FNDC3B: variants seen among roughly 807,000 people sequenced by gnomAD.
The protein encoded by FNDC3B is fibronectin type III domain-containing protein 3B.
A neutral mutation model predicts 151.5 loss-of-function variants in FNDC3B; 12 were observed. The ratio of observed to expected loss-of-function variants is 0.08; its 90% CI spans 0.05 to 0.13. The LOEUF (loss-of-function observed/expected upper bound fraction) is 0.13. Among genes scored for constraint, FNDC3B ranks in the 10% least tolerant of loss-of-function variants. The pLI is 1.00. For synonymous variants in FNDC3B, 528 were observed against 549.0 expected, an observed-to-expected ratio of 0.96 and a Z score of 0.54; for missense variants, 1,214 against 1,505.3, an observed-to-expected ratio of 0.81 and a Z score of 3.20.
intron 6 of FNDC3B, among the ~76,000 whole-genome samples, chr3:172,258,750 A>G (rs1489056307): frequency 6.6e-6 from 1 of 152,206 alleles, no homozygotes; most frequent in African/African-American, 2.4e-5. Context: ...GTTGGGAGTC[A>G]AGACAGATTT....
chr3:172,051,066 T>C (rs1260078342), intron 1 of FNDC3B, among the ~76,000 whole-genome samples: 1 of 151,838 alleles, frequency 6.6e-6, no homozygotes, highest in East Asian at 1.9e-4. Context: ...TTTAGATAAC[T>C]TATCATTTTC....
At position 172,400,412 on chromosome 3, in the gene FNDC3B, T is replaced by C. The variant is rs1736512837; in HGVS notation, c.*2937T>C. ...ATGTCAAAATTGAGAAGTGCCCTAA[T>C]TGAATGTGTTTGAATGTTATCCTTG... On this transcript the variant is annotated 3_prime_UTR_variant, in exon 26 of 26. Coordinates refer to ENST00000415807, the MANE Select transcript of FNDC3B (RefSeq NM_022763.4). 6.5e-6 allele frequency: 1 copy of C among 152,682 alleles called. No individual in the cohort carries two copies. The highest frequency in any genetic ancestry group is 1.5e-5 in the Non-Finnish European group (1 of 68,040). The allele number at this position is 152,682 out of a possible 1,614,324, so 9.5% of individuals were successfully genotyped here. A position where few individuals can be genotyped will look rare whatever the true frequency, so the allele number is the denominator to read the frequency against.
intron 3 of FNDC3B, among the ~76,000 whole-genome samples, chr3:172,163,383 AAT>A (rs1225553060): frequency 2.0e-5 from 3 of 152,252 alleles, no homozygotes; most frequent in Non-Finnish European, 2.9e-5. Context: ...CATGACTGAA[AAT>A]ATGTTAGCAT....
At chr3:172,103,460 A>G (rs1428209179) in intron 1 of FNDC3B, among the ~76,000 whole-genome samples, 2 of 152,030 alleles carry the variant, frequency 1.3e-5, no homozygotes, top group Admixed American at 6.5e-5. Context: ...TTTCCTGTAC[A>G]TTAGATTTGA....
rs758076534 is a variant in FNDC3B at position 172,247,562 on chromosome 3, G to A, written c.294G>A (p.Arg98=). The A allele has an allele frequency of 2.9e-5, 47 of 1,613,876 alleles. No homozygotes were observed. Among genetic ancestry groups the A allele is most frequent in the Non-Finnish European group, 3.9e-5 (46 of 1,179,966 alleles). The change falls in exon 5 of 26, where the codon CGG becomes CGA. Residue 98 remains arginine (R), a synonymous_variant. Transcript: ENST00000415807. ...QVIEDSTGVR[R]VVVTPQSPEC... ...TTGAAGATAGTACTGGAGTCCGCCG[G>A]GTGGTGGTCACACCCCAGTCTCCTG...
intron 6 of FNDC3B, among the ~76,000 whole-genome samples, chr3:172,270,744 T>C (rs1201526152): frequency 6.6e-6 from 1 of 152,228 alleles, no homozygotes; most frequent in Non-Finnish European, 1.5e-5. Flanking sequence ...GAAGATAACA[T>C]GCAGAGCTCA....
intron 22 of FNDC3B, among the ~76,000 whole-genome samples, chr3:172,361,279 C>G (rs1734345434): frequency 6.6e-6 from 1 of 152,210 alleles, no homozygotes; most frequent in African/African-American, 2.4e-5. Flanking sequence ...ACCACATGGC[C>G]AGGCTGCAAA....
At chr3:172,366,858 A>G (rs1734648100) in intron 23 of FNDC3B, among the ~76,000 whole-genome samples, 1 of 152,226 alleles carries the variant, frequency 6.6e-6, no homozygotes, top group African/African-American at 2.4e-5. Flanking sequence ...GACTTGAGAT[A>G]GGATGGAAAT....
At position 172,397,965 on chromosome 3, in the gene FNDC3B, T is replaced by G. The variant is rs1736380466; in HGVS notation, c.*490T>G. The G allele has an allele frequency of 6.6e-6, 1 of 152,506 alleles. No individual in the cohort carries two copies. The highest frequency in any genetic ancestry group is 6.5e-5 in the Admixed American group (1 of 15,282). The allele number at this position is 152,506 out of a possible 1,614,324, so 9.4% of individuals were successfully genotyped here. A position where few individuals can be genotyped will look rare whatever the true frequency, so the allele number is the denominator to read the frequency against. ...CAGCAACAGCAACATACAGAAGATA[T>G]GTTCACTCAGATAAGACTGCCCTAA... On this transcript the variant is annotated 3_prime_UTR_variant, in exon 26 of 26. Transcript: ENST00000415807.
At chr3:172,236,622 T>C (rs1727178958) in intron 4 of FNDC3B, among the ~76,000 whole-genome samples, 1 of 152,186 alleles carries the variant, frequency 6.6e-6, no homozygotes, top group Non-Finnish European at 1.5e-5. Context: ...CTCGTGGTTC[T>C]CTGCAGTATC....
Position 172,247,571 on chromosome 3 carries a change from C to G in FNDC3B, c.303C>G (p.Val101=), listed in dbSNP as rs779488789. The change falls in exon 5 of 26, where the codon GTC becomes GTG. Residue 101 remains valine, a synonymous_variant. Coordinates refer to ENST00000415807, the MANE Select transcript of FNDC3B (RefSeq NM_022763.4). ...EDSTGVRRVV[V]TPQSPECYPP... is the part of the protein sequence containing the mutation. ...GTACTGGAGTCCGCCGGGTGGTGGT[C>G]ACACCCCAGTCTCCTGAGTGTTATC... The G allele has an allele frequency of 6.2e-6, 10 of 1,613,914 alleles. No homozygotes were observed. Among genetic ancestry groups the G allele is most frequent in the Non-Finnish European group, 8.5e-6 (10 of 1,179,864 alleles).
chr3:172,303,273 A>T (rs1351377209), intron 9 of FNDC3B, among the ~76,000 whole-genome samples: 3 of 152,206 alleles, frequency 2.0e-5, no homozygotes, highest in Non-Finnish European at 4.4e-5. Flanking sequence ...TAGCAATTTC[A>T]TGAAAATTTT....
chr3:172,065,186 G>T (rs1279646830), intron 1 of FNDC3B, among the ~76,000 whole-genome samples: 3 of 152,146 alleles, frequency 2.0e-5, no homozygotes, highest in Non-Finnish European at 4.4e-5. Flanking sequence ...ATAAAAATTA[G>T]CCGGGCATGG....
chr3:172,115,511 G>A (rs1397086660), intron 2 of FNDC3B, among the ~76,000 whole-genome samples: 1 of 152,166 alleles, frequency 6.6e-6, no homozygotes, highest in East Asian at 1.9e-4. Context: ...TGCTCAGGTG[G>A]TTCCATGTTA....
intron 21 of FNDC3B, 65 bp downstream of exon 21, chr3:172,347,426 A>T: frequency 7.3e-7 from 1 of 1,362,970 alleles, no homozygotes; most frequent in Non-Finnish European, 9.9e-7. Context: ...ACTTTGGGAA[A>T]CCCACTCAAA....
intron 5 of FNDC3B, among the ~76,000 whole-genome samples, chr3:172,250,164 C>A (rs995568009): frequency 1.3e-5 from 2 of 152,094 alleles, no homozygotes; most frequent in East Asian, 3.9e-4. Flanking sequence ...ATAAAGTTTT[C>A]CCCTTGAGAT....
At chr3:172,379,405 G>A (rs1221936942) in intron 24 of FNDC3B, among the ~76,000 whole-genome samples, 1 of 152,252 alleles carries the variant, frequency 6.6e-6, no homozygotes, top group African/African-American at 2.4e-5. Context: ...TGAAGGAGGT[G>A]TGTCAGCTAC....
intron 3 of FNDC3B, among the ~76,000 whole-genome samples, chr3:172,214,782 C>A (rs1207674527): frequency 1.3e-5 from 2 of 152,100 alleles, no homozygotes; most frequent in Non-Finnish European, 2.9e-5. Flanking sequence ...GCTAGTAAAC[C>A]ACGTTAGGAT....
chr3:172,170,048 AT>A (rs11421302), intron 3 of FNDC3B, among the ~76,000 whole-genome samples: 6 of 151,714 alleles, frequency 4.0e-5, no homozygotes, highest in African/African-American at 1.2e-4. Flanking sequence ...ATTCCAATCT[AT>A]TTTTTTTGTT....
Sources: allele counts gnomAD v4.1 joint callset (sites outside exome capture counted in the v4.1 genomes callset), GRCh38; gene constraint gnomAD v4.1.1; transcripts MANE v1.5; gene names NCBI Gene and HGNC (gene_info 2026-07-23, HGNC 2026-07-21).